Variants in ITPR2 observed in about 807,000 individuals in gnomAD.
The protein encoded by ITPR2 is inositol 1,4,5-trisphosphate receptor type 2.
A neutral mutation model predicts 317.1 loss-of-function variants in ITPR2; 207 were observed. The observed-to-expected ratio is 0.65, with a 90% CI of 0.58 to 0.73. The LOEUF (loss-of-function observed/expected upper bound fraction) is 0.73, where lower values mean the gene tolerates loss of function less well. ITPR2 is among the 30% of genes least tolerant of loss of function. The pLI, the probability that ITPR2 is intolerant of heterozygous loss-of-function variation, is 0.00. For synonymous variants in ITPR2, 1,156 were observed against 1,149.1 expected, an observed-to-expected ratio of 1.01 and a Z score of -0.12; for missense variants, 2,613 against 3,284.0, an observed-to-expected ratio of 0.80 and a Z score of 4.99.
Position 26,599,273 on chromosome 12 carries a change from C to T in ITPR2, c.3874G>A (p.Val1292Ile), listed in dbSNP as rs772628457. Residue 1292 changes from valine (V) to isoleucine (I), a missense_variant, in exon 30 of 57, where the codon GTT (valine) becomes ATT (isoleucine). By Grantham distance (29) the Val-to-Ile change is conservative. This residue lies in a region of ITPR2 where 817 missense variants were observed against 897.6 expected (regional missense o/e 0.91). Transcript: ENST00000381340. ...YHLCNEISER[V>I]VQHFVHCIET... ...ATGCAGTGCACAAAGTGTTGTACAA[C>T]TCTCTCGCTAATTTCGTTGCACAGA... The T allele has an allele frequency of 1.9e-6, 3 of 1,613,972 alleles. No homozygotes were observed. Among genetic ancestry groups the T allele is most frequent in the Non-Finnish European group, 2.5e-6 (3 of 1,179,962 alleles).
intron 37 of ITPR2, among the ~76,000 whole-genome samples, chr12:26,507,346 G>A (rs1399571951): frequency 6.6e-6 from 1 of 152,120 alleles, no homozygotes; most frequent in Non-Finnish European, 1.5e-5. Context: ...AGTACCAAAT[G>A]CTTACCTTAG....
intron 36 of ITPR2, among the ~76,000 whole-genome samples, chr12:26,554,264 T>C (rs185300920): frequency 6.0e-4 from 92 of 152,364 alleles, no homozygotes; most frequent in Admixed American, 2.0e-3. Context: ...ATTAGCCACA[T>C]GTGGCTACTG....
At chr12:26,719,824 AAG>A (rs1428389895) in intron 5 of ITPR2, among the ~76,000 whole-genome samples, 4 of 152,126 alleles carry the variant, frequency 2.6e-5, no homozygotes, top group African/African-American at 9.7e-5. Context: ...TTGCTGTTTG[AAG>A]AGTTTCTTTT....
intron 14 of ITPR2, among the ~76,000 whole-genome samples, chr12:26,665,590 C>T (rs1947607864): frequency 6.6e-6 from 1 of 152,118 alleles, no homozygotes; most frequent in Admixed American, 6.5e-5. Flanking sequence ...AAGCAAGCTG[C>T]CTTGTCTTGA....
At chr12:26,713,543 G>A (rs1948686769) in intron 8 of ITPR2, among the ~76,000 whole-genome samples, 1 of 152,184 alleles carries the variant, frequency 6.6e-6, no homozygotes, top group South Asian at 2.1e-4. Context: ...CCCTATTCTG[G>A]TCAATGTGTC....
rs576483059 is a variant in ITPR2 at position 26,741,394 on chromosome 12, G to A, written c.164-15629C>T. 2.0e-5 allele frequency among the ~76,000 whole-genome samples: 3 copies of A among 152,368 alleles called. No homozygotes were observed. In the South Asian group the frequency reaches 6.2e-4, roughly 32 times the overall value. ...AATTAAAATTACTTTTCTAAGTGCTGATAATTCTTACCTCCTTTGCCAGCT... is the reference window on the plus strand; with the variant it reads ...AATTAAAATTACTTTTCTAAGTGCTAATAATTCTTACCTCCTTTGCCAGCT... On this transcript the variant is annotated intron_variant, in intron 2 of 56. Coordinates refer to ENST00000381340, the MANE Select transcript of ITPR2 (RefSeq NM_002223.4).
At chr12:26,687,473 T>G (rs1231767188) in intron 10 of ITPR2, among the ~76,000 whole-genome samples, 1 of 151,914 alleles carries the variant, frequency 6.6e-6, no homozygotes, top group African/African-American at 2.4e-5. Flanking sequence ...CACAGGAAGG[T>G]GAATGAAACT....
At chr12:26,344,916 A>G (rs1489759376) in intron 55 of ITPR2, among the ~76,000 whole-genome samples, 2 of 151,984 alleles carry the variant, frequency 1.3e-5, no homozygotes, top group Admixed American at 1.3e-4. Context: ...CTGTCTTCCA[A>G]CCCTCTTCTG....
At chr12:26,418,321 T>C (rs1401392721) in intron 50 of ITPR2, among the ~76,000 whole-genome samples, 2 of 152,196 alleles carry the variant, frequency 1.3e-5, no homozygotes, top group Non-Finnish European at 1.5e-5. Flanking sequence ...GAAAGATAAA[T>C]AAATTGTTCC....
chr12:26,655,613 CAAAAA>C (rs56325248), intron 20 of ITPR2, 90 bp downstream of exon 20: 1,135 of 635,762 alleles, frequency 1.8e-3, no homozygotes, highest in Non-Finnish European at 1.9e-3. Context: ...GACTCTGTCT[CAAAAA>C]AAAAAAAAAA....
intron 48 of ITPR2, among the ~76,000 whole-genome samples, chr12:26,434,912 C>G (rs1941312447): frequency 6.6e-6 from 1 of 152,186 alleles, no homozygotes; most frequent in African/African-American, 2.4e-5. Flanking sequence ...AAGAGTTTAT[C>G]ACCAAAGGAG....
chr12:26,526,204 G>T (rs1162715754), intron 37 of ITPR2, among the ~76,000 whole-genome samples: 1 of 152,134 alleles, frequency 6.6e-6, no homozygotes, highest in Non-Finnish European at 1.5e-5. Context: ...TCTGAAATTT[G>T]CTATGAAAAA....
intron 55 of ITPR2, among the ~76,000 whole-genome samples, chr12:26,348,168 T>C (rs1475353992): frequency 1.3e-5 from 2 of 152,226 alleles, no homozygotes; most frequent in African/African-American, 4.8e-5. Context: ...CTCTTTGCAC[T>C]TTTTGTCTGA....
intron 13 of ITPR2, among the ~76,000 whole-genome samples, chr12:26,671,850 G>A (rs1470410724): frequency 6.6e-6 from 1 of 152,176 alleles, no homozygotes; most frequent in African/African-American, 2.4e-5. Flanking sequence ...AAAGGATGGA[G>A]GAAGATCTAC....
chr12:26,482,156 C>T (rs968971508), intron 42 of ITPR2, among the ~76,000 whole-genome samples: 2 of 152,106 alleles, frequency 1.3e-5, no homozygotes, highest in African/African-American at 4.8e-5. Flanking sequence ...GTTTTTATTC[C>T]TCTGACACAG....
chr12:26,704,026 A>G (rs531835913), intron 9 of ITPR2, among the ~76,000 whole-genome samples: 1 of 152,356 alleles, frequency 6.6e-6, no homozygotes, highest in African/African-American at 2.4e-5. Context: ...CAACAGGTTT[A>G]TGGAGAGTAA....
In ITPR2 at chr12:26,725,297, T is replaced by C. The variant is rs957770787; in HGVS notation, c.279+353A>G. 3.2e-4 allele frequency among the ~76,000 whole-genome samples: 48 copies of C among 152,224 alleles called. 1 individual carries two copies. Among genetic ancestry groups the C allele is most frequent in the African/African-American group, 1.2e-3 (48 of 41,462 alleles). ...CAAACCATAAACAATGGTCTTTCAA[T>C]TATTTTTCTCCATAGTTTCTTTCAG... On this transcript the variant is annotated intron_variant, in intron 3 of 56. Coordinates refer to ENST00000381340, the MANE Select transcript of ITPR2 (RefSeq NM_002223.4).
rs998788410 is a variant in ITPR2 at position 26,626,043 on chromosome 12, C to T, written c.3065-1687G>A. Among the ~76,000 whole-genome samples, 3 of 152,172 alleles carry T rather than the reference C, an allele frequency of 2.0e-5. No homozygotes were observed. In the South Asian group the frequency reaches 6.2e-4, roughly 31 times the overall value. ...GTGGCACAACTTCAACTCACTGCAG[C>T]GTCGACCTTCCAGGCTCAAGCAATC... On this transcript the variant is annotated intron_variant, in intron 23 of 56. Coordinates refer to ENST00000381340, the MANE Select transcript of ITPR2 (RefSeq NM_002223.4).
At chr12:26,679,400 C>T (rs962922294) in intron 13 of ITPR2, among the ~76,000 whole-genome samples, 1 of 152,088 alleles carries the variant, frequency 6.6e-6, no homozygotes, top group African/African-American at 2.4e-5. Context: ...GGTTTTAAAA[C>T]ATATAGCTAA....
Sources: allele counts gnomAD v4.1 joint callset (sites outside exome capture counted in the v4.1 genomes callset), GRCh38; gene constraint gnomAD v4.1.1; regional missense constraint gnomAD v4.1.1; transcripts MANE v1.5; gene names NCBI Gene and HGNC (gene_info 2026-07-23, HGNC 2026-07-21).